The following HTR7 variants were observed in gnomAD, a reference collection of about 807,000 sequenced individuals.
HTR7 encodes 5-HT-7.
A neutral mutation model predicts 34.0 loss-of-function variants in HTR7; 16 were observed. The observed-to-expected ratio is 0.47, with a 90% CI of 0.32 to 0.71. HTR7 has a LOEUF of 0.71. Ranked by LOEUF, HTR7 falls within the 30% of genes least tolerant of loss-of-function variation. The pLI is 0.04. For synonymous variants in HTR7, 265 were observed against 260.2 expected, an observed-to-expected ratio of 1.02 and a Z score of -0.18; for missense variants, 504 against 625.5, an observed-to-expected ratio of 0.81 and a Z score of 2.07.
chr10:90,813,309 G>A (rs1168031253), intron 1 of HTR7, among the ~76,000 whole-genome samples: 1 of 152,126 alleles, frequency 6.6e-6, no homozygotes, highest in Non-Finnish European at 1.5e-5. Flanking sequence ...ATCACCTGAG[G>A]TCAGGAGGTC....
chr10:90,851,777 T>G (rs1202609692), intron 1 of HTR7, among the ~76,000 whole-genome samples: 1 of 152,076 alleles, frequency 6.6e-6, no homozygotes, highest in Non-Finnish European at 1.5e-5. Flanking sequence ...CAGAGCCAGG[T>G]GGAGATAACT....
At chr10:90,810,733 T>G (rs558852013) in intron 1 of HTR7, among the ~76,000 whole-genome samples, 22 of 152,286 alleles carry the variant, frequency 1.4e-4, no homozygotes, top group African/African-American at 5.1e-4. Flanking sequence ...TCGCTTTCAC[T>G]TGGACTGACC....
intron 1 of HTR7, among the ~76,000 whole-genome samples, chr10:90,759,505 A>C (rs796421559): frequency 9.3e-5 from 14 of 150,336 alleles, no homozygotes; most frequent in African/African-American, 2.9e-4. Flanking sequence ...AATACAAAAA[A>C]TTAGCCGGGC....
At chr10:90,782,705 G>A (rs909448214) in intron 1 of HTR7, among the ~76,000 whole-genome samples, 1 of 152,180 alleles carries the variant, frequency 6.6e-6, no homozygotes, top group African/African-American at 2.4e-5. Flanking sequence ...CCTGATCCAT[G>A]GAGATGCTTC....
At chr10:90,835,564 T>G (rs1279983886) in intron 1 of HTR7, among the ~76,000 whole-genome samples, 1 of 152,216 alleles carries the variant, frequency 6.6e-6, no homozygotes, top group African/African-American at 2.4e-5. Context: ...ATTGCTTGTT[T>G]TCTTGTTTCA....
At chr10:90,746,303 T>C (rs1446274330) in intron 2 of HTR7, among the ~76,000 whole-genome samples, 2 of 152,224 alleles carry the variant, frequency 1.3e-5, no homozygotes, top group African/African-American at 4.8e-5. Flanking sequence ...ATTTTAAAGA[T>C]TACCATTTTA....
intron 1 of HTR7, among the ~76,000 whole-genome samples, chr10:90,821,487 G>C (rs10881834): frequency 2.6e-5 from 4 of 152,116 alleles, no homozygotes; most frequent in Non-Finnish European, 4.4e-5. Flanking sequence ...GTTAGAACTT[G>C]AGTTCCAGCA....
intron 1 of HTR7, among the ~76,000 whole-genome samples, chr10:90,752,963 C>T (rs759009600): frequency 4.6e-5 from 7 of 151,990 alleles, no homozygotes; most frequent in Non-Finnish European, 1.0e-4. Flanking sequence ...CTTGAAAGTA[C>T]AAAATGAAAC....
intron 1 of HTR7, among the ~76,000 whole-genome samples, chr10:90,788,813 A>G (rs1007189991): frequency 2.3e-4 from 35 of 152,234 alleles, no homozygotes; most frequent in Admixed American, 1.3e-4. Context: ...AACAGAAGAG[A>G]GGAGGTTGAT....
intron 1 of HTR7, among the ~76,000 whole-genome samples, chr10:90,766,801 T>G (rs1186990064): frequency 6.6e-6 from 1 of 152,200 alleles, no homozygotes; most frequent in Non-Finnish European, 1.5e-5. Context: ...CCACTGCACA[T>G]AAAACTCTAC....
chr10:90,800,690 G>A (rs1845611925), intron 1 of HTR7, among the ~76,000 whole-genome samples: 1 of 151,746 alleles, frequency 6.6e-6, no homozygotes, highest in East Asian at 1.9e-4. Flanking sequence ...TAGATTTACT[G>A]GGCACTAACT....
intron 1 of HTR7, among the ~76,000 whole-genome samples, chr10:90,817,231 G>C (rs1384880959): frequency 6.6e-6 from 1 of 152,190 alleles, no homozygotes; most frequent in Admixed American, 6.5e-5. Context: ...AACCTGAAAA[G>C]CTGAGTTCAC....
At chr10:90,854,921 A>T (rs757537035) in intron 1 of HTR7, among the ~76,000 whole-genome samples, 3 of 152,176 alleles carry the variant, frequency 2.0e-5, no homozygotes, top group Non-Finnish European at 4.4e-5. Context: ...TTTTTTTTAC[A>T]TATTTTCACA....
At position 90,857,286 on chromosome 10, in the gene HTR7, G is replaced by A. The variant is rs745479426; in HGVS notation, c.386C>T (p.Ser129Leu). The change falls in exon 1 of 4, where the codon TCG (serine) becomes TTG (leucine). Residue 129 changes from serine to leucine, a missense_variant. Around this residue, in one of 4 missense-constraint regions of HTR7, gnomAD observed 154 missense variants for 248.8 expected, o/e 0.62. Coordinates refer to ENST00000336152, the MANE Select transcript of HTR7 (RefSeq NM_019859.4). The surrounding 1 kb of genome is among the most constrained non-coding windows in gnomAD (Gnocchi z 6.5). The part of the protein sequence containing the change: ...LIVSLALADL[S>L]VAVAVMPFVS... ...GAAGGGCATGACCGCCACAGCCACC[G>A]AGAGGTCGGCCAGCGCCAGGGACAC... 9 of 1,614,054 alleles carry A rather than the reference G, an allele frequency of 5.6e-6. No individual in the cohort carries two copies. Among genetic ancestry groups the A allele is most frequent in the Admixed American group, 5.0e-5 (3 of 60,010 alleles).
chr10:90,793,406 A>G (rs1286355677), intron 1 of HTR7, among the ~76,000 whole-genome samples: 1 of 151,336 alleles, frequency 6.6e-6, no homozygotes, highest in African/African-American at 2.4e-5. Flanking sequence ...CAGGAATGCA[A>G]GAAGAGTTTA....
At chr10:90,798,187 C>T (rs1475908469) in intron 1 of HTR7, among the ~76,000 whole-genome samples, 2 of 152,148 alleles carry the variant, frequency 1.3e-5, no homozygotes, top group Admixed American at 6.5e-5. Context: ...GTTTTATCTC[C>T]ACTTCTTCTC....
rs186186461 is a variant in HTR7, at chr10:90,785,460, A to G, written c.540-35866T>C. ...AGAGTCTAGGGGATTTTCAAACCCT[A>G]TATGTAAATTCCTTTGATACCTTCG... On this transcript the variant is annotated intron_variant, in intron 1 of 3. Coordinates refer to ENST00000336152, the MANE Select transcript of HTR7 (RefSeq NM_019859.4). 5.3e-5 allele frequency among the ~76,000 whole-genome samples: 8 copies of G among 152,228 alleles called. No homozygotes were observed. In the East Asian group the frequency reaches 5.8e-4, roughly 11 times the overall value.
intron 1 of HTR7, among the ~76,000 whole-genome samples, chr10:90,750,440 C>T (rs1388616613): frequency 6.6e-6 from 1 of 152,120 alleles, no homozygotes; most frequent in Non-Finnish European, 1.5e-5. Context: ...AAAACATATA[C>T]AGAAAAGATG....
intron 1 of HTR7, among the ~76,000 whole-genome samples, chr10:90,848,741 T>C (rs1464664504): frequency 6.6e-6 from 1 of 152,256 alleles, no homozygotes; most frequent in Non-Finnish European, 1.5e-5. Context: ...TTTAAATTAC[T>C]TCATGAGATT....
Sources: allele counts gnomAD v4.1 joint callset (sites outside exome capture counted in the v4.1 genomes callset), GRCh38; gene constraint gnomAD v4.1.1; regional missense constraint gnomAD v4.1.1; non-coding constraint Gnocchi (gnomAD v3.1); transcripts MANE v1.5; gene names NCBI Gene and HGNC (gene_info 2026-07-23, HGNC 2026-07-21).